ANOS1: variants seen among roughly 807,000 people sequenced by gnomAD.
The protein encoded by ANOS1 is anosmin-1.
Under a neutral mutation model 59.0 loss-of-function variants are expected in ANOS1, and 6 were observed. The observed-to-expected ratio is 0.10, with a 90% CI of 0.06 to 0.20. ANOS1 has a LOEUF of 0.20. Ranked by LOEUF, ANOS1 falls within the 10% of genes least tolerant of loss-of-function variation. The pLI is 1.00. For synonymous variants in ANOS1, 217 were observed against 223.4 expected, an observed-to-expected ratio of 0.97 and a Z score of 0.25; for missense variants, 433 against 542.3, an observed-to-expected ratio of 0.80 and a Z score of 2.00.
chrX:8,649,614 A>G (rs753880600), intron 2 of ANOS1, among the ~76,000 whole-genome samples: 1 of 112,731 alleles, frequency 8.9e-6, no homozygotes, highest in Non-Finnish European at 1.9e-5. Context: ...AACACTTTGC[A>G]TAAGCAATAG....
intron 3 of ANOS1, among the ~76,000 whole-genome samples, chrX:8,619,070 CAAAA>C (rs1164164251): frequency 2.3e-5 from 1 of 43,968 alleles, no homozygotes; most frequent in Non-Finnish European, 4.0e-5. Flanking sequence ...AAACCTCTCT[CAAAA>C]AAAAAAAAAA....
chrX:8,561,104 A>AC (rs1569048712), intron 8 of ANOS1, among the ~76,000 whole-genome samples: 1 of 111,807 alleles, frequency 8.9e-6, no homozygotes, highest in African/African-American at 3.3e-5. Flanking sequence ...CAGTCAAGGA[A>AC]AGCTGTGGAC....
intron 8 of ANOS1, among the ~76,000 whole-genome samples, chrX:8,555,484 C>A (rs1359166403): frequency 1.8e-5 from 2 of 111,118 alleles, no homozygotes; most frequent in Non-Finnish European, 3.8e-5. Flanking sequence ...GACTACTAGC[C>A]AGACTAATAA....
chrX:8,599,501 G>T (rs1930803239), intron 3 of ANOS1, among the ~76,000 whole-genome samples: 1 of 111,608 alleles, frequency 9.0e-6, no homozygotes, highest in Non-Finnish European at 1.9e-5. Context: ...GCTGCCTGCT[G>T]CTCCTCCCTG....
At chrX:8,681,161 T>C (rs1932419475) in intron 2 of ANOS1, among the ~76,000 whole-genome samples, 1 of 111,709 alleles carries the variant, frequency 9.0e-6, no homozygotes. Flanking sequence ...CTTCTAGGTC[T>C]AACCACTTCT....
intron 2 of ANOS1, among the ~76,000 whole-genome samples, chrX:8,638,576 A>G (rs1411263520): frequency 1.8e-5 from 2 of 112,059 alleles, no homozygotes; most frequent in East Asian, 2.8e-4. Flanking sequence ...AGATGGGGAG[A>G]ACCTAACCCA....
chrX:8,579,773 C>T (rs941521020), intron 6 of ANOS1, among the ~76,000 whole-genome samples: 1 of 111,729 alleles, frequency 9.0e-6, no homozygotes, highest in African/African-American at 3.3e-5. Context: ...CTGACTTGAA[C>T]ACCCTTAACC....
intron 2 of ANOS1, among the ~76,000 whole-genome samples, chrX:8,690,540 A>G (rs765190456): frequency 8.9e-6 from 1 of 111,821 alleles, no homozygotes; most frequent in South Asian, 3.7e-4. Context: ...ATTTTCATGT[A>G]TGTCTGAGTT....
Position 8,536,820 on chromosome X carries a change from A to G in ANOS1, c.1572T>C (p.Ser524=). The G allele has an allele frequency of 1.7e-6, 2 of 1,209,747 alleles. No homozygotes were observed. The highest frequency in any genetic ancestry group is 1.8e-5 in the South Asian group (1 of 56,664). ...EAVFFTTPPC[S]ALKGKSHKPV... is the part of the protein sequence containing the mutation. ...GCTTGTGGCTCTTCCCCTTAAGAGC[A>G]GAGCATGGTGGAGTAGTGAAGAAAA... Residue 524 remains serine (S), a synonymous_variant, in exon 11 of 14, where the codon TCT becomes TCC. Coordinates refer to ENST00000262648, the MANE Select transcript of ANOS1 (RefSeq NM_000216.4).
chrX:8,672,952 C>A (rs1932279817), intron 2 of ANOS1, among the ~76,000 whole-genome samples: 1 of 111,597 alleles, frequency 9.0e-6, no homozygotes, highest in South Asian at 3.7e-4. Flanking sequence ...AAAACTTTAT[C>A]CAAGGAGCAT....
chrX:8,546,298 C>A (rs1011524646), intron 9 of ANOS1, among the ~76,000 whole-genome samples: 2 of 112,223 alleles, frequency 1.8e-5, no homozygotes, highest in African/African-American at 3.2e-5. Context: ...GTTTGAAACA[C>A]ATACTTTCCT....
At chrX:8,602,300 T>C (rs981340041) in intron 3 of ANOS1, among the ~76,000 whole-genome samples, 1 of 111,662 alleles carries the variant, frequency 9.0e-6, no homozygotes, top group African/African-American at 3.3e-5. Context: ...AGGAGAAAAA[T>C]GTGTACAGGT....
intron 2 of ANOS1, among the ~76,000 whole-genome samples, chrX:8,687,452 A>C (rs1197555125): frequency 9.2e-6 from 1 of 109,263 alleles, no homozygotes; most frequent in Non-Finnish European, 1.9e-5. Context: ...AAATAAATAC[A>C]TAAATATTAA....
intron 2 of ANOS1, among the ~76,000 whole-genome samples, chrX:8,688,010 C>T (rs1236218078): frequency 2.7e-5 from 3 of 112,027 alleles, no homozygotes; most frequent in African/African-American, 9.7e-5. Context: ...AGAGGAACTC[C>T]TATGTGTGAT....
chrX:8,709,973 C>T (rs1235213568), intron 1 of ANOS1, among the ~76,000 whole-genome samples: 1 of 111,007 alleles, frequency 9.0e-6, no homozygotes, highest in Non-Finnish European at 1.9e-5. Context: ...CTCTGTTGCC[C>T]AGGCTGGAGT....
intron 4 of ANOS1, among the ~76,000 whole-genome samples, chrX:8,592,211 A>G (rs1466991559): frequency 8.9e-6 from 1 of 112,037 alleles, no homozygotes; most frequent in Non-Finnish European, 1.9e-5. Flanking sequence ...TCACTACTTG[A>G]TATCTCTCAT....
intron 2 of ANOS1, among the ~76,000 whole-genome samples, chrX:8,697,741 T>A (rs1932704811): frequency 8.9e-6 from 1 of 112,253 alleles, no homozygotes; most frequent in African/African-American, 3.2e-5. Context: ...CCTATATTTG[T>A]ACAAACTGGT....
chrX:8,630,382 ATT>A (rs1181645408), intron 2 of ANOS1, among the ~76,000 whole-genome samples: 1 of 106,143 alleles, frequency 9.4e-6, no homozygotes, highest in African/African-American at 3.6e-5. Flanking sequence ...GTGAGCTGAA[ATT>A]GTGCCACTGC....
chrX:8,663,616 C>G (rs946340503), intron 2 of ANOS1, among the ~76,000 whole-genome samples: 1 of 111,684 alleles, frequency 9.0e-6, no homozygotes, highest in African/African-American at 3.3e-5. Flanking sequence ...CAGAACAAAG[C>G]TTGCTGACAT....
Sources: gnomAD v4.1 joint callset for allele counts (sites outside exome capture counted in the v4.1 genomes callset) on GRCh38, gnomAD v4.1.1 for gene constraint, MANE v1.5 for transcripts, NCBI Gene and HGNC (gene_info 2026-07-23, HGNC 2026-07-21) for gene names.